DNAH7: variants seen among roughly 807,000 people sequenced by gnomAD.
The protein encoded by DNAH7 is dynein axonemal heavy chain 7.
In DNAH7, 397 loss-of-function variants were observed where a neutral mutation model predicts 444.6. The ratio of observed to expected loss-of-function variants is 0.89; its 90% CI spans 0.82 to 0.97. The LOEUF (loss-of-function observed/expected upper bound fraction) is 0.97, where lower values mean the gene tolerates loss of function less well. DNAH7 is among the 50% of genes least tolerant of loss of function. The probability of loss-of-function intolerance (pLI) is 0.00; values close to 1 mark genes in which losing one functional copy is unlikely to be tolerated. For missense variants in DNAH7, 4,902 were observed against 4,800.8 expected (o/e 1.02, Z -0.62); for synonymous variants, 1,636 against 1,624.4 (o/e 1.01, Z -0.17).
intron 36 of DNAH7, among the ~76,000 whole-genome samples, chr2:195,877,728 T>C (rs867012080): frequency 2.6e-5 from 4 of 152,328 alleles, no homozygotes; most frequent in African/African-American, 2.4e-5. Flanking sequence ...AAGGAAGACG[T>C]AGGGTAACAA....
intron 5 of DNAH7, among the ~76,000 whole-genome samples, chr2:196,029,978 T>C (rs1695943768): frequency 6.6e-6 from 1 of 152,184 alleles, no homozygotes; most frequent in Non-Finnish European, 1.5e-5. Context: ...AACCCATTAA[T>C]TATGAAGAAA....
intron 2 of DNAH7, among the ~76,000 whole-genome samples, chr2:196,054,189 G>A (rs16844342): frequency 0.015 from 2,296 of 152,288 alleles, 52 homozygotes; most frequent in African/African-American, 0.052. Context: ...CCAACTGTAA[G>A]TAATCTCCTT....
chr2:195,961,597 T>C (rs1691111251), intron 17 of DNAH7, among the ~76,000 whole-genome samples: 1 of 152,190 alleles, frequency 6.6e-6, no homozygotes, highest in Non-Finnish European at 1.5e-5. Context: ...CCTCTAAGGC[T>C]GAATAGCATT....
chr2:195,760,961 C>G (rs1694320893), intron 61 of DNAH7, among the ~76,000 whole-genome samples: 1 of 151,794 alleles, frequency 6.6e-6, no homozygotes, highest in Admixed American at 6.6e-5. Context: ...AAAAATAAGA[C>G]CATTCATAAA....
At position 195,898,862 on chromosome 2, in the gene DNAH7, A is replaced by G. The variant is rs149170223; in HGVS notation, c.4549-1097T>C. 1.5e-3 allele frequency among the ~76,000 whole-genome samples: 228 copies of G among 152,368 alleles called. 1 individual carries two copies. Among genetic ancestry groups the G allele is most frequent in the African/African-American group, 5.0e-3 (208 of 41,582 alleles). ...AACTCTTAACTTGTTACTCATACCT[A>G]TAATAATGTTCACATGAATTTACAA... On this transcript the variant is annotated intron_variant, in intron 28 of 64. Coordinates refer to ENST00000312428, the MANE Select transcript of DNAH7 (RefSeq NM_018897.3).
rs774618328 is a variant in DNAH7 at position 195,875,965 on chromosome 2, T to C, written c.6118-122A>G. 7.9e-5 allele frequency: 69 copies of C among 872,808 alleles called. 1 individual carries two copies. In the Middle Eastern group the frequency reaches 2.7e-3, roughly 34 times the overall value. 54.1% of individuals were successfully genotyped at this position (872,808 alleles called of 1,614,324 possible). ...TTGCAGAGTACATATGAGGAAGTGATGGTTTCTTTTCTAAACAAGGATAAT... is the reference window on the plus strand; with the variant it reads ...TTGCAGAGTACATATGAGGAAGTGACGGTTTCTTTTCTAAACAAGGATAAT... On this transcript the variant is annotated intron_variant, in intron 37 of 64. Transcript: ENST00000312428.
At chr2:195,957,198 C>T (rs551078689) in intron 19 of DNAH7, 63 bp downstream of exon 19, 53 of 1,370,874 alleles carry the variant, frequency 3.9e-5, no homozygotes, top group Non-Finnish European at 9.7e-7. Context: ...ATATGGATTT[C>T]TGAAAACAAA....
At chr2:196,038,977 C>G (rs555748899) in intron 5 of DNAH7, among the ~76,000 whole-genome samples, 1 of 152,226 alleles carries the variant, frequency 6.6e-6, no homozygotes, top group East Asian at 1.9e-4. Flanking sequence ...ATCATCTAGA[C>G]AGTAAATCAA....
At position 195,954,676 on chromosome 2, in the gene DNAH7, C is replaced by T. The variant is rs189144571; in HGVS notation, c.3078+2585G>A. Among the ~76,000 whole-genome samples, 829 of 152,330 alleles carry T rather than the reference C, an allele frequency of 5.4e-3. 6 individuals are homozygous for T. The highest frequency in any genetic ancestry group is 8.2e-3 in the Non-Finnish European group (559 of 68,034). ...AAAAGTGTTCCTATTTCTCCACATCCTCTCCAGCACCTGTTGTTTCCTGAC... is the reference window on the plus strand; with the variant it reads ...AAAAGTGTTCCTATTTCTCCACATCTTCTCCAGCACCTGTTGTTTCCTGAC... On this transcript the variant is annotated intron_variant, in intron 19 of 64. Transcript: ENST00000312428.
chr2:195,767,744 T>G (rs1222554193), intron 61 of DNAH7, among the ~76,000 whole-genome samples: 2 of 152,060 alleles, frequency 1.3e-5, no homozygotes, highest in Non-Finnish European at 2.9e-5. Flanking sequence ...AACTGCCAAC[T>G]AGTTTTTTAT....
Position 195,873,492 on chromosome 2 carries a change from C to T in DNAH7, c.6413+76G>A, listed in dbSNP as rs534593600. 4.4e-5 allele frequency: 41 copies of T among 921,824 alleles called. No individual in the cohort carries two copies. In the Admixed American group the frequency reaches 5.1e-4, roughly 12 times the overall value. The allele number at this position is 921,824 out of a possible 1,614,324, so 57.1% of individuals were successfully genotyped here. On this transcript the variant is annotated intron_variant, in intron 39 of 64. Coordinates refer to ENST00000312428, the MANE Select transcript of DNAH7 (RefSeq NM_018897.3). ...AGGAATGCTTTTGTTCTTTGAAATA[C>T]GCTACTTAATATTGATATGTTTCTA...
intron 40 of DNAH7, 68 bp from the exon 41 acceptor site, chr2:195,865,089 G>A (rs889426015): frequency 5.8e-5 from 84 of 1,440,322 alleles, no homozygotes; most frequent in Non-Finnish European, 4.1e-5. Flanking sequence ...TATTATATCT[G>A]TGCTAATCTC....
chr2:195,739,020 C>T (rs1165699176), intron 64 of DNAH7, among the ~76,000 whole-genome samples: 1 of 152,182 alleles, frequency 6.6e-6, no homozygotes, highest in African/African-American at 2.4e-5. Context: ...ACTCGAAGCA[C>T]TCTTCCTAAC....
At chr2:195,933,300 G>A (rs184424742) in intron 21 of DNAH7, among the ~76,000 whole-genome samples, 8 of 152,280 alleles carry the variant, frequency 5.3e-5, no homozygotes, top group Admixed American at 1.3e-4. Context: ...CACTGTTGGC[G>A]GGACTGTAAA....
In DNAH7 at chr2:195,777,696, C is replaced by A. The variant is rs754277155; in HGVS notation, c.11064+104G>T. 9 of 1,227,548 alleles carry A rather than the reference C, an allele frequency of 7.3e-6. No homozygotes were observed. The South Asian group carries it at 1.3e-4, about 18-fold the overall frequency. 76.0% of individuals were successfully genotyped at this position (1,227,548 alleles called of 1,614,324 possible). A position where few individuals can be genotyped will look rare whatever the true frequency, so the allele number is the denominator to read the frequency against. ...CTGAAGAAAGCACAGACAAGGGTAACAAAAAAACAAGGCCTGCAGCAAAAT... is the reference window on the plus strand; with the variant it reads ...CTGAAGAAAGCACAGACAAGGGTAAAAAAAAAACAAGGCCTGCAGCAAAAT... On this transcript the variant is annotated intron_variant, in intron 59 of 64. Coordinates refer to ENST00000312428, the MANE Select transcript of DNAH7 (RefSeq NM_018897.3).
At chr2:195,923,434 A>C (rs1359708504) in intron 23 of DNAH7, among the ~76,000 whole-genome samples, 161 bp downstream of exon 23, 1 of 152,244 alleles carries the variant, frequency 6.6e-6, no homozygotes, top group Non-Finnish European at 1.5e-5. Flanking sequence ...AGTTATCAGC[A>C]GCTTAATCTT....
chr2:195,957,496 G>A (rs751867573), intron 18 of DNAH7, 49 bp from the exon 19 acceptor site: 1 of 1,411,182 alleles, frequency 7.1e-7, no homozygotes, highest in East Asian at 2.5e-5. Context: ...CCAAGCAAAT[G>A]TTTCAAATGA....
At chr2:195,821,172 AAAGAAG>A (rs201086071) in intron 49 of DNAH7, among the ~76,000 whole-genome samples, 2,702 of 152,044 alleles carry the variant, frequency 0.018, 75 homozygotes, top group African/African-American at 0.061. Context: ...AAAAAAAAAA[AAAGAAG>A]AAGAAGAAGA....
chr2:195,848,384 C>T (rs1236651633), intron 46 of DNAH7, among the ~76,000 whole-genome samples: 2 of 152,186 alleles, frequency 1.3e-5, no homozygotes, highest in Non-Finnish European at 2.9e-5. Context: ...ATCATGTGCT[C>T]TTCTCATTGC....
Sources: gnomAD v4.1 joint callset for allele counts (sites outside exome capture counted in the v4.1 genomes callset) on GRCh38, gnomAD v4.1.1 for gene constraint, MANE v1.5 for transcripts, NCBI Gene and HGNC (gene_info 2026-07-23, HGNC 2026-07-21) for gene names.